CTNNA2: variants seen among roughly 807,000 people sequenced by gnomAD.
CTNNA2 encodes catenin alpha 2.
CTNNA2 carries 42 observed loss-of-function variants against 101.0 expected under a neutral mutation model. The ratio of observed to expected loss-of-function variants is 0.42; its 90% confidence interval spans 0.32 to 0.54. The LOEUF (loss-of-function observed/expected upper bound fraction) is 0.54, where lower values mean the gene tolerates loss of function less well. Among genes scored for constraint, CTNNA2 ranks in the 20% least tolerant of loss-of-function variants. The pLI, the probability that CTNNA2 is intolerant of heterozygous loss-of-function variation, is 0.14. For missense variants in CTNNA2, 871 were observed against 1,223.1 expected (o/e 0.71, Z 4.29); for synonymous variants, 450 against 456.4 (o/e 0.99, Z 0.18).
intron 7 of CTNNA2, among the ~76,000 whole-genome samples, chr2:80,281,692 A>C (rs188933039): frequency 6.6e-6 from 1 of 152,128 alleles, no homozygotes; most frequent in Non-Finnish European, 1.5e-5. Flanking sequence ...ATATTGAAAC[A>C]AATCAACACT....
chr2:80,097,150 G>A (rs982849662), intron 7 of CTNNA2, among the ~76,000 whole-genome samples: 10 of 152,172 alleles, frequency 6.6e-5, no homozygotes, highest in African/African-American at 2.4e-4. Flanking sequence ...GGTACCGGTT[G>A]TTCCTTTCCA....
intron 2 of CTNNA2, among the ~76,000 whole-genome samples, chr2:79,739,821 T>C (rs1377195200): frequency 6.6e-6 from 1 of 152,218 alleles, no homozygotes; most frequent in African/African-American, 2.4e-5. Context: ...CTGACTTCTC[T>C]AAGGCATCCA....
At chr2:80,552,290 G>GA (rs1692631480) in intron 11 of CTNNA2, among the ~76,000 whole-genome samples, 1 of 152,074 alleles carries the variant, frequency 6.6e-6, no homozygotes. Flanking sequence ...AGACTTGCTT[G>GA]ACGCAGAGTT....
chr2:80,539,322 TTGTTG>T (rs3040765), intron 9 of CTNNA2, among the ~76,000 whole-genome samples: 51,590 of 139,376 alleles, frequency 0.37, 9,440 homozygotes, highest in Non-Finnish European at 0.41. Context: ...TTTTTTTTTT[TTGTTG>T]TTGTTGTTGT....
intron 7 of CTNNA2, among the ~76,000 whole-genome samples, chr2:80,206,979 G>A (rs1707572636): frequency 6.6e-6 from 1 of 152,090 alleles, no homozygotes; most frequent in African/African-American, 2.4e-5. Flanking sequence ...GAAGGCTCCT[G>A]TGTTCTAGGG....
At chr2:79,814,472 A>G (rs554320506) in intron 3 of CTNNA2, among the ~76,000 whole-genome samples, 1 of 152,240 alleles carries the variant, frequency 6.6e-6, no homozygotes, top group East Asian at 1.9e-4. Context: ...CATCAATGAG[A>G]ACATACAATA....
At chr2:79,817,054 A>T (rs1017832536) in intron 3 of CTNNA2, among the ~76,000 whole-genome samples, 2 of 151,522 alleles carry the variant, frequency 1.3e-5, no homozygotes, top group African/African-American at 4.9e-5. Context: ...TTATTATTAT[A>T]CTTTAAGTTT....
intron 9 of CTNNA2, among the ~76,000 whole-genome samples, chr2:80,450,505 G>T (rs887528704): frequency 2.0e-5 from 3 of 152,090 alleles, no homozygotes; most frequent in African/African-American, 4.8e-5. Context: ...AACAAAAGTG[G>T]ATTTGTCATT....
chr2:80,604,284 A>G, intron 16 of CTNNA2, 105 bp downstream of exon 16: 1 of 803,166 alleles, frequency 1.2e-6, no homozygotes. Context: ...CTGAAGAATG[A>G]ATCAGAGGGG....
At chr2:80,494,023 G>A (rs919601236) in intron 9 of CTNNA2, among the ~76,000 whole-genome samples, 1 of 152,172 alleles carries the variant, frequency 6.6e-6, no homozygotes, top group African/African-American at 2.4e-5. Flanking sequence ...CGTGAGAAAG[G>A]AGTGTTACTT....
chr2:80,543,466 A>G (rs75543272), intron 9 of CTNNA2, among the ~76,000 whole-genome samples: 1 of 152,218 alleles, frequency 6.6e-6, no homozygotes, highest in Non-Finnish European at 1.5e-5. Context: ...TTCACTTGTC[A>G]TAATTTCTCC....
At chr2:80,558,567 C>T (rs1693263496) in intron 12 of CTNNA2, among the ~76,000 whole-genome samples, 1 of 151,990 alleles carries the variant, frequency 6.6e-6, no homozygotes. Flanking sequence ...TATATGTCCT[C>T]AAAATAGAAA....
chr2:79,955,065 G>T (rs1689133084), intron 7 of CTNNA2, among the ~76,000 whole-genome samples: 1 of 152,062 alleles, frequency 6.6e-6, no homozygotes, highest in African/African-American at 2.4e-5. Flanking sequence ...CAAACCAGAG[G>T]TTACCCTCAG....
intron 2 of CTNNA2, among the ~76,000 whole-genome samples, chr2:79,251,432 G>A (rs1244184196): frequency 6.6e-6 from 1 of 152,108 alleles, no homozygotes; most frequent in Admixed American, 6.5e-5. Context: ...TCACCTCCTG[G>A]TACTGACACC....
intron 7 of CTNNA2, among the ~76,000 whole-genome samples, chr2:80,108,773 C>G (rs952289046): frequency 6.6e-6 from 1 of 152,188 alleles, no homozygotes; most frequent in African/African-American, 2.4e-5. Context: ...GGGATCTGAC[C>G]TCTTCAAACC....
At chr2:79,858,390 A>T (rs1182234253) in intron 4 of CTNNA2, among the ~76,000 whole-genome samples, 1 of 151,932 alleles carries the variant, frequency 6.6e-6, no homozygotes, top group Non-Finnish European at 1.5e-5. Flanking sequence ...TTGAATTATT[A>T]TTTTTTTTCC....
chr2:79,526,778 A>G (rs185306169), intron 1 of CTNNA2, among the ~76,000 whole-genome samples: 17 of 152,270 alleles, frequency 1.1e-4, no homozygotes, highest in African/African-American at 4.1e-4. Flanking sequence ...AAACATTTAC[A>G]TGGAAAAGAT....
At chr2:79,941,779 G>T (rs777093476) in intron 7 of CTNNA2, among the ~76,000 whole-genome samples, 1 of 151,830 alleles carries the variant, frequency 6.6e-6, no homozygotes. Context: ...CCACCATGCC[G>T]GGCTAATTTT....
intron 2 of CTNNA2, among the ~76,000 whole-genome samples, chr2:79,674,680 T>C (rs536091543): frequency 1.8e-4 from 27 of 152,236 alleles, no homozygotes; most frequent in African/African-American, 6.3e-4. Context: ...ATGAAAGATA[T>C]AAAAGGGAAA....
Sources: allele counts gnomAD v4.1 joint callset (sites outside exome capture counted in the v4.1 genomes callset), GRCh38; gene constraint gnomAD v4.1.1; transcripts MANE v1.5; gene names NCBI Gene and HGNC (gene_info 2026-07-23, HGNC 2026-07-21).